The following PEX1 variants were observed in gnomAD, a reference collection of about 807,000 sequenced individuals.
PEX1 encodes the protein peroxisomal ATPase PEX1.
A neutral mutation model predicts 152.5 loss-of-function variants in PEX1; 97 were observed. The observed-to-expected ratio is 0.64, with a 90% CI of 0.54 to 0.75. PEX1 has a LOEUF of 0.75. PEX1 is among the 30% of genes least tolerant of loss of function. The pLI is 0.00. For missense variants in PEX1, 1,357 were observed against 1,516.3 expected (o/e 0.89, Z 1.74); for synonymous variants, 485 against 531.6 (o/e 0.91, Z 1.21).
chr7:92,505,012 T>C, intron 11 of PEX1, 110 bp from the exon 12 acceptor site: 2 of 801,390 alleles, frequency 2.5e-6, no homozygotes, highest in South Asian at 2.9e-5. Flanking sequence ...ACTATAAAAA[T>C]TTGATCTATA....
At chr7:92,525,581 C>T (rs1421499830) in intron 1 of PEX1, among the ~76,000 whole-genome samples, 1 of 152,094 alleles carries the variant, frequency 6.6e-6, no homozygotes, top group Non-Finnish European at 1.5e-5. Flanking sequence ...TTTTGGTTGT[C>T]ACAGATAGGG....
In PEX1 at chr7:92,496,755, T is replaced by C. The variant is rs1442390164; in HGVS notation, c.2741A>G (p.Tyr914Cys). 1 of 1,609,636 alleles carries C rather than the reference T, an allele frequency of 6.2e-7. No homozygotes were observed. Among genetic ancestry groups the C allele is most frequent in the South Asian group, 1.1e-5 (1 of 90,940 alleles). Reference protein sequence around the residue: ...SVKGPELLSKYIGASEQAVRD... With the variant: ...SVKGPELLSKCIGASEQAVRD... ...AACAGCTTGTTCACTTGCTCCAATG[T>C]ATTTGCTGAGTAACTCTGGCCCCTA... is the stretch of plus-strand genomic sequence containing the variant. Residue 914 changes from tyrosine (Y) to cysteine (C), a missense_variant, in exon 17 of 24, where the codon TAC becomes TGC. Tyr to Cys is a radical substitution (Grantham distance 194). Coordinates refer to ENST00000248633, the MANE Select transcript of PEX1 (RefSeq NM_000466.3).
At chr7:92,490,020 T>C (rs1562843026) in intron 21 of PEX1, 109 bp from the exon 22 acceptor site, 2 of 860,326 alleles carry the variant, frequency 2.3e-6, no homozygotes, top group African/African-American at 1.7e-5. Flanking sequence ...AACATTAACA[T>C]AGATAAGTAT....
At chr7:92,496,910 T>G (rs760849509) in intron 16 of PEX1, 133 bp from the exon 17 acceptor site, 1 of 680,640 alleles carries the variant, frequency 1.5e-6, no homozygotes, top group African/African-American at 1.8e-5. Context: ...TTTTTAAAAT[T>G]AATGTGTGCT....
In PEX1 at chr7:92,494,571, G is replaced by C. The variant is rs374167385; in HGVS notation, c.2842C>G (p.Arg948Gly). The change falls in exon 18 of 24, where the codon CGG (arginine) becomes GGG (glycine). Residue 948 changes from arginine (R) to glycine (G), a missense_variant. Transcript: ENST00000248633. Reference sequence around the variant, plus strand: ...ACTCCTGTATTATCATGACCCCGCCGAGGAGCAATGGATTCAAATTCATCA... The same window carrying C: ...ACTCCTGTATTATCATGACCCCGCCCAGGAGCAATGGATTCAAATTCATCA... ...FFDEFESIAP[R>G]RGHDNTGVTD... 2 of 1,613,770 alleles carry C rather than the reference G, an allele frequency of 1.2e-6. No homozygotes were observed. Among genetic ancestry groups the C allele is most frequent in the African/African-American group, 2.7e-5 (2 of 74,906 alleles).
At chr7:92,497,429 T>C (rs1186750301) in intron 16 of PEX1, among the ~76,000 whole-genome samples, 1 of 151,652 alleles carries the variant, frequency 6.6e-6, no homozygotes, top group Non-Finnish European at 1.5e-5. Context: ...GAATATATCA[T>C]TTTTAGAACA....
chr7:92,489,944 A>C lies in PEX1; in HGVS notation c.3439-33T>G, dbSNP rs772276025. Reference sequence around the variant, plus strand: ...GTAAATTGTAGTAATGAAAGATGGAAGGAAGAGGGGGAGAGAAAAAACTAT... The same window carrying C: ...GTAAATTGTAGTAATGAAAGATGGACGGAAGAGGGGGAGAGAAAAAACTAT... On this transcript the variant is annotated intron_variant, in intron 21 of 23. Coordinates refer to ENST00000248633, the MANE Select transcript of PEX1 (RefSeq NM_000466.3). The C allele has an allele frequency of 3.9e-6, 6 of 1,544,526 alleles. No homozygotes were observed. In the African/African-American group the frequency reaches 6.8e-5, roughly 17 times the overall value.
chr7:92,515,904 G>A (rs983522776), intron 5 of PEX1, among the ~76,000 whole-genome samples: 1 of 151,896 alleles, frequency 6.6e-6, no homozygotes, highest in Non-Finnish European at 1.5e-5. Context: ...TGAGGCAGGA[G>A]AATCATTTGA....
chr7:92,515,512 T>C (rs1430547811), intron 5 of PEX1, among the ~76,000 whole-genome samples: 1 of 152,160 alleles, frequency 6.6e-6, no homozygotes, highest in Non-Finnish European at 1.5e-5. Flanking sequence ...GCGGAGTCCT[T>C]ATTGCTATCT....
rs776587710 is a variant in PEX1 at position 92,519,057 on chromosome 7, G to A, written c.295C>T (p.His99Tyr). The A allele has an allele frequency of 6.2e-7, 1 of 1,607,502 alleles. No individual in the cohort carries two copies. The highest frequency in any genetic ancestry group is 1.1e-5 in the South Asian group (1 of 90,916). ...TCAACTTGTTGACAAGATACCACATGGGAACATGGCTTGAGAAATACCTAG... is the reference window on the plus strand; with the variant it reads ...TCAACTTGTTGACAAGATACCACATAGGAACATGGCTTGAGAAATACCTAG... Reference protein sequence around the residue: ...GGQVFLKPCSHVVSCQQVEVE... With the variant: ...GGQVFLKPCSYVVSCQQVEVE... The change falls in exon 3 of 24, where the codon CAT becomes TAT. Residue 99 changes from histidine (H) to tyrosine (Y), a missense_variant. Transcript: ENST00000248633.
chr7:92,505,729 T>G (rs969667011), intron 11 of PEX1, among the ~76,000 whole-genome samples: 1 of 152,214 alleles, frequency 6.6e-6, no homozygotes, highest in Non-Finnish European at 1.5e-5. Flanking sequence ...TGGAACTATA[T>G]GACAGCGGTA....
intron 15 of PEX1, among the ~76,000 whole-genome samples, chr7:92,500,220 C>CA (rs1423324461): frequency 6.6e-6 from 1 of 152,158 alleles, no homozygotes; most frequent in Non-Finnish European, 1.5e-5. Flanking sequence ...TAAATCTATT[C>CA]AATCAAAGAT....
chr7:92,522,023 A>T (rs1793071026), intron 2 of PEX1, 79 bp downstream of exon 2: 19 of 1,483,626 alleles, frequency 1.3e-5, no homozygotes, highest in Non-Finnish European at 1.8e-5. Context: ...CTTTAACAAA[A>T]AATCTAAACT....
chr7:92,496,181 G>T (rs1162619306), intron 17 of PEX1, among the ~76,000 whole-genome samples: 2 of 151,788 alleles, frequency 1.3e-5, no homozygotes. Context: ...TAAAATTTTT[G>T]GAAGAATAAA....
At chr7:92,516,203 A>G (rs549946330) in intron 5 of PEX1, among the ~76,000 whole-genome samples, 1 of 152,314 alleles carries the variant, frequency 6.6e-6, no homozygotes, top group Admixed American at 6.5e-5. Context: ...AGGCAGGCAG[A>G]TCACCTGAGG....
chr7:92,506,201 C>G, intron 11 of PEX1, 47 bp downstream of exon 11: 1 of 990,640 alleles, frequency 1.0e-6, no homozygotes, highest in Non-Finnish European at 1.6e-6. Flanking sequence ...ACATTCCTGT[C>G]TTTCTAATGA....
intron 8 of PEX1, among the ~76,000 whole-genome samples, chr7:92,510,487 A>G (rs1792411706): frequency 6.6e-6 from 1 of 151,520 alleles, no homozygotes. Flanking sequence ...AAATAATAAT[A>G]TAATAATAAA....
At chr7:92,497,664 A>C (rs1791717792) in intron 16 of PEX1, among the ~76,000 whole-genome samples, 1 of 152,182 alleles carries the variant, frequency 6.6e-6, no homozygotes, top group African/African-American at 2.4e-5. Flanking sequence ...ATGTGACCAA[A>C]ATAAGGAATT....
intron 9 of PEX1, 94 bp from the exon 10 acceptor site, chr7:92,507,220 T>C: frequency 1.0e-6 from 1 of 976,810 alleles, no homozygotes. Flanking sequence ...CCAGTGTAGT[T>C]AATTAATTTA....
Sources: allele counts gnomAD v4.1 joint callset (sites outside exome capture counted in the v4.1 genomes callset), GRCh38; gene constraint gnomAD v4.1.1; transcripts MANE v1.5; gene names NCBI Gene and HGNC (gene_info 2026-07-23, HGNC 2026-07-21).